PCNX2: variants seen among roughly 807,000 people sequenced by gnomAD.
PCNX2 encodes pecanex-like protein 2.
Under a neutral mutation model 223.8 loss-of-function variants are expected in PCNX2, and 168 were observed. The ratio of observed to expected loss-of-function variants is 0.75; its 90% CI spans 0.66 to 0.85. The LOEUF (loss-of-function observed/expected upper bound fraction) is 0.85. Among genes scored for constraint, PCNX2 ranks in the 40% least tolerant of loss-of-function variants. The pLI is 0.00. For missense variants in PCNX2, 2,507 were observed against 2,675.5 expected, an observed-to-expected ratio of 0.94 and a Z score of 1.39; for synonymous variants, 1,006 against 1,052.6, an observed-to-expected ratio of 0.96 and a Z score of 0.86.
intron 1 of PCNX2, among the ~76,000 whole-genome samples, chr1:233,282,946 A>G (rs971825787): frequency 5.3e-5 from 8 of 152,202 alleles, no homozygotes; most frequent in Non-Finnish European, 1.0e-4. Flanking sequence ...GAACCAAAAA[A>G]TAATTGGAAA....
intron 26 of PCNX2, among the ~76,000 whole-genome samples, chr1:233,018,091 T>C (rs1180629403): frequency 2.6e-5 from 4 of 152,218 alleles, no homozygotes; most frequent in Non-Finnish European, 5.9e-5. Context: ...GGCACAGTCA[T>C]GGCTCACTGA....
intron 23 of PCNX2, among the ~76,000 whole-genome samples, chr1:233,062,654 G>C (rs1462505462): frequency 6.6e-6 from 1 of 152,168 alleles, no homozygotes; most frequent in African/African-American, 2.4e-5. Context: ...ATTTTCAGCT[G>C]TTCCAAGTCA....
rs754419529 is a variant in PCNX2, at chr1:233,054,286, G to A, written c.4333C>T (p.Arg1445Ter). The change falls in exon 25 of 34, where the codon CGA (arginine) becomes TGA (stop). Residue 1445 changes from arginine to a stop codon, truncating the protein, a stop_gained. Coordinates refer to ENST00000258229, the MANE Select transcript of PCNX2 (RefSeq NM_014801.4). LOFTEE classifies it high-confidence loss of function. ...IGNGLVTFQL[R>*]GLEFRGTYCQ... ...TTCTTACCTCGGAATTCCAGTCCTC[G>A]AAGTTGAAAGGTGACAAGACCATTT... The A allele has an allele frequency of 7.4e-6, 12 of 1,613,388 alleles. No homozygotes were observed. Among genetic ancestry groups the A allele is most frequent in the African/African-American group, 1.3e-5 (1 of 74,872 alleles).
intron 12 of PCNX2, among the ~76,000 whole-genome samples, chr1:233,217,612 A>G (rs701183): frequency 0.28 from 42,649 of 151,864 alleles, 8,641 homozygotes; most frequent in African/African-American, 0.57. Flanking sequence ...GTCTTCCCCC[A>G]AGACTGCTCG....
intron 8 of PCNX2, among the ~76,000 whole-genome samples, chr1:233,239,681 T>C (rs1000305545): frequency 6.6e-6 from 1 of 152,212 alleles, no homozygotes; most frequent in Admixed American, 6.5e-5. Flanking sequence ...TGTAAAGCAG[T>C]GAACACTGCC....
At chr1:233,117,557 C>T (rs1415007053) in intron 21 of PCNX2, among the ~76,000 whole-genome samples, 2 of 146,272 alleles carry the variant, frequency 1.4e-5, no homozygotes, top group Non-Finnish European at 3.0e-5. Context: ...GCCGAGATCG[C>T]GCCACTGGAC....
At chr1:233,237,907 A>T (rs1205698321) in intron 8 of PCNX2, among the ~76,000 whole-genome samples, 2 of 152,220 alleles carry the variant, frequency 1.3e-5, no homozygotes, top group Admixed American at 6.5e-5. Context: ...AGCAAAGAAG[A>T]GTTGGCTGGG....
At chr1:232,997,995 A>AC (rs1218752772) in intron 32 of PCNX2, among the ~76,000 whole-genome samples, 1 of 152,086 alleles carries the variant, frequency 6.6e-6, no homozygotes, top group Non-Finnish European at 1.5e-5. Flanking sequence ...GAATGCAGCG[A>AC]CCCCTGGACA....
chr1:233,001,519 A>C lies in PCNX2; in HGVS notation c.5097+18T>G. The C allele has an allele frequency of 7.9e-7, 1 of 1,270,890 alleles. No homozygotes were observed. The highest frequency in any genetic ancestry group is 1.0e-6 in the Non-Finnish European group (1 of 995,186). 78.7% of individuals were successfully genotyped at this position (1,270,890 alleles called of 1,614,324 possible). Reference sequence around the variant, plus strand: ...AAATAAATAAATAAATAAATAAATAAATAAAATAGGTTTTTACCTGGTGAA... The same window carrying C: ...AAATAAATAAATAAATAAATAAATACATAAAATAGGTTTTTACCTGGTGAA... On this transcript the variant is annotated intron_variant, in intron 29 of 33. Coordinates refer to ENST00000258229, the MANE Select transcript of PCNX2 (RefSeq NM_014801.4). The surrounding 1 kb of genome is among the most constrained non-coding windows in gnomAD (Gnocchi z 4.2).
At chr1:233,259,787 T>G in intron 4 of PCNX2, 2 of 814,850 alleles carry the variant, frequency 2.5e-6, no homozygotes, top group Non-Finnish European at 3.0e-6. Flanking sequence ...GCAAAGAACA[T>G]GAACTCATTC....
the PCNX2 span, among the ~76,000 whole-genome samples, chr1:233,302,120 G>A: frequency 0.24 from 35,787 of 151,928 alleles, 5,282 homozygotes; most frequent in East Asian, 0.42. Flanking sequence ...AAGAGAGAAA[G>A]AAAATTAAAA....
chr1:233,172,484 C>T (rs1679211413), intron 17 of PCNX2: 12 of 985,414 alleles, frequency 1.2e-5, no homozygotes, highest in Non-Finnish European at 1.3e-5. Context: ...AGTCTGCTTG[C>T]ACTTCCTGGT....
upstream of PCNX2, among the ~76,000 whole-genome samples, chr1:233,299,062 T>C (rs1662218511): frequency 6.6e-6 from 1 of 152,190 alleles, no homozygotes; most frequent in African/African-American, 2.4e-5. Flanking sequence ...CTTCTGCCCA[T>C]AGGCCCTCAG....
chr1:233,313,095 T>C, the PCNX2 span, among the ~76,000 whole-genome samples: 1 of 152,202 alleles, frequency 6.6e-6, no homozygotes, highest in Non-Finnish European at 1.5e-5. Flanking sequence ...AAATAAAATG[T>C]TGATCTCAAT....
At chr1:233,017,380 C>T (rs868665367) in intron 26 of PCNX2, among the ~76,000 whole-genome samples, 74 of 136,292 alleles carry the variant, frequency 5.4e-4, no homozygotes, top group African/African-American at 1.7e-3. Flanking sequence ...TGCAGCGGTG[C>T]GATCTCGGCT....
rs1222904082 is a variant in PCNX2, at chr1:233,258,041, A to G, written c.1821T>C (p.Ser607=). Residue 607 remains serine, a synonymous_variant, in exon 5 of 34, where the codon AGT becomes AGC. Coordinates refer to ENST00000258229, the MANE Select transcript of PCNX2 (RefSeq NM_014801.4). ...ATGGAATCGCACCTCGGAGAAGCCC[A>G]CTTTCTTCATTCTGCTCAGCTGAGC... ...LNGSAEQNEE[S]GLLRDNCSQE... 6.2e-7 allele frequency: 1 copy of G among 1,611,148 alleles called. No individual in the cohort carries two copies. Among genetic ancestry groups the G allele is most frequent in the South Asian group, 1.1e-5 (1 of 91,028 alleles).
At chr1:233,065,464 T>C (rs1298725593) in intron 23 of PCNX2, 2 of 152,184 alleles carry the variant, frequency 1.3e-5, no homozygotes, top group African/African-American at 4.8e-5. Flanking sequence ...GGTTGTATTC[T>C]TCCGGAAATA....
chr1:233,186,060 T>C (rs996290499), intron 15 of PCNX2, among the ~76,000 whole-genome samples: 10 of 152,220 alleles, frequency 6.6e-5, no homozygotes, highest in Non-Finnish European at 1.0e-4. Flanking sequence ...CCAGCATTTT[T>C]CTCCTTAGAA....
intron 8 of PCNX2, among the ~76,000 whole-genome samples, chr1:233,243,287 G>C (rs1658888609): frequency 6.6e-6 from 1 of 152,122 alleles, no homozygotes; most frequent in African/African-American, 2.4e-5. Context: ...CCAATAATAA[G>C]AATCAGCCGT....
Sources: allele counts gnomAD v4.1 joint callset (sites outside exome capture counted in the v4.1 genomes callset), GRCh38; gene constraint gnomAD v4.1.1; non-coding constraint Gnocchi (gnomAD v3.1); transcripts MANE v1.5; gene names NCBI Gene and HGNC (gene_info 2026-07-23, HGNC 2026-07-21).